CREB5: variants seen among roughly 807,000 people sequenced by gnomAD.
The protein encoded by CREB5 is cyclic AMP-responsive element-binding protein 5.
A neutral mutation model predicts 57.1 loss-of-function variants in CREB5; 19 were observed. The ratio of observed to expected loss-of-function variants is 0.33; its 90% CI spans 0.23 to 0.49. CREB5 has a LOEUF of 0.49. Ranked by LOEUF, CREB5 falls within the 20% of genes least tolerant of loss-of-function variation. The pLI, the probability that CREB5 is intolerant of heterozygous loss-of-function variation, is 0.99. For missense variants in CREB5, 579 were observed against 671.6 expected (o/e 0.86, Z 1.52); for synonymous variants, 238 against 238.3 (o/e 1.00, Z 0.01).
At chr7:28,704,838 T>G (rs1036577917) in intron 5 of CREB5, among the ~76,000 whole-genome samples, 63 of 152,228 alleles carry the variant, frequency 4.1e-4, no homozygotes, top group East Asian at 3.7e-3. Flanking sequence ...CAGCCATTTT[T>G]TGTGTGTGTG....
chr7:28,331,278 G>C (rs535781595), intron 1 of CREB5, among the ~76,000 whole-genome samples: 16 of 151,892 alleles, frequency 1.1e-4, no homozygotes, highest in African/African-American at 3.9e-4. Context: ...CCATAGTTTG[G>C]TGTTCCTAAG....
At chr7:28,524,587 T>A (rs1335426558) in intron 4 of CREB5, among the ~76,000 whole-genome samples, 1 of 152,226 alleles carries the variant, frequency 6.6e-6, no homozygotes, top group African/African-American at 2.4e-5. Flanking sequence ...TATTGGTTAA[T>A]AGCCATGCTG....
chr7:28,799,925 G>T (rs371934146), intron 7 of CREB5, among the ~76,000 whole-genome samples: 4 of 152,260 alleles, frequency 2.6e-5, no homozygotes, highest in African/African-American at 9.6e-5. Context: ...AGATTAAAAT[G>T]CTGCATTTAT....
chr7:28,522,881 C>T (rs547695839), intron 4 of CREB5, among the ~76,000 whole-genome samples: 2 of 152,300 alleles, frequency 1.3e-5, no homozygotes, highest in African/African-American at 4.8e-5. Context: ...ATGTAACCCA[C>T]CACGACTGCT....
chr7:28,806,673 T>C (rs1283551196), intron 8 of CREB5, among the ~76,000 whole-genome samples: 3 of 152,178 alleles, frequency 2.0e-5, no homozygotes, highest in African/African-American at 7.2e-5. Flanking sequence ...AGGATGTGAT[T>C]GTAGAGTGCT....
chr7:28,470,832 C>T (rs78481812), intron 1 of CREB5, among the ~76,000 whole-genome samples: 3,541 of 152,202 alleles, frequency 0.023, 82 homozygotes, highest in Admixed American at 0.048. Flanking sequence ...TGATAAATGA[C>T]GTTGCACACC....
At chr7:28,393,497 T>C (rs987160786) in intron 1 of CREB5, among the ~76,000 whole-genome samples, 2 of 152,234 alleles carry the variant, frequency 1.3e-5, no homozygotes, top group African/African-American at 2.4e-5. Flanking sequence ...ACCTGTCCTA[T>C]GTTCTCACCT....
chr7:28,376,492 A>G (rs1169179400), intron 1 of CREB5, among the ~76,000 whole-genome samples: 1 of 150,856 alleles, frequency 6.6e-6, no homozygotes, highest in Non-Finnish European at 1.5e-5. Flanking sequence ...CTGGTTTTAA[A>G]CTCCTGACCT....
chr7:28,748,195 T>C (rs2128761736), intron 7 of CREB5, among the ~76,000 whole-genome samples: 1 of 152,344 alleles, frequency 6.6e-6, no homozygotes, highest in South Asian at 2.1e-4. Flanking sequence ...TTTGCTTTGT[T>C]TTCTTGACAA....
At chr7:28,661,733 T>C (rs1799619780) in intron 5 of CREB5, among the ~76,000 whole-genome samples, 1 of 152,222 alleles carries the variant, frequency 6.6e-6, no homozygotes, top group African/African-American at 2.4e-5. Context: ...ACTCTAGGTT[T>C]ACAGCACACT....
chr7:28,354,971 A>G (rs898619689), intron 1 of CREB5, among the ~76,000 whole-genome samples: 11 of 152,184 alleles, frequency 7.2e-5, no homozygotes, highest in East Asian at 1.9e-4. Flanking sequence ...CTCTAAACCA[A>G]TGGGGCCTAG....
intron 1 of CREB5, among the ~76,000 whole-genome samples, chr7:28,306,088 G>T (rs890575868): frequency 1.3e-5 from 2 of 151,810 alleles, no homozygotes; most frequent in African/African-American, 4.8e-5. Flanking sequence ...TGGTATCTTT[G>T]TGCCACCTGT....
chr7:28,409,177 A>G (rs1005256093), upstream of CREB5, among the ~76,000 whole-genome samples: 10 of 151,470 alleles, frequency 6.6e-5, 1 homozygote, highest in Admixed American at 2.0e-4. The surrounding 1 kb of genome is among the most constrained non-coding windows in gnomAD (Gnocchi z 4.4). Context: ...CGGGTGCACC[A>G]GGGTCCGCGC....
intron 4 of CREB5, among the ~76,000 whole-genome samples, chr7:28,512,255 C>A (rs539912058): frequency 6.6e-6 from 1 of 152,138 alleles, no homozygotes; most frequent in African/African-American, 2.4e-5. Flanking sequence ...AATGTAGAAA[C>A]GGTGTTTATG....
chr7:28,381,180 A>G (rs540992330), intron 1 of CREB5, among the ~76,000 whole-genome samples: 1 of 152,334 alleles, frequency 6.6e-6, no homozygotes, highest in African/African-American at 2.4e-5. Context: ...AATCAAGATT[A>G]GGGTGAACAT....
chr7:28,573,050 C>T (rs1313392320), intron 5 of CREB5, among the ~76,000 whole-genome samples: 1 of 152,094 alleles, frequency 6.6e-6, no homozygotes, highest in Admixed American at 6.6e-5. Flanking sequence ...TTTCTCCATC[C>T]AAAACCTTGC....
intron 5 of CREB5, among the ~76,000 whole-genome samples, chr7:28,692,026 A>C (rs1024014620): frequency 1.3e-5 from 2 of 150,892 alleles, no homozygotes; most frequent in Admixed American, 6.6e-5. Context: ...AAAAAAAAAA[A>C]AAACAACAAA....
At chr7:28,319,459 C>T (rs1184616511) in intron 1 of CREB5, among the ~76,000 whole-genome samples, 2 of 152,146 alleles carry the variant, frequency 1.3e-5, no homozygotes, top group African/African-American at 4.8e-5. Context: ...TCCCAAGATT[C>T]CTAGTGGAAG....
chr7:28,699,349 A>T (rs1184594703), intron 5 of CREB5, among the ~76,000 whole-genome samples: 1 of 152,150 alleles, frequency 6.6e-6, no homozygotes, highest in Non-Finnish European at 1.5e-5. Flanking sequence ...GACCAAGAAA[A>T]AGCTATCTTT....
Sources: gnomAD v4.1 joint callset for allele counts (sites outside exome capture counted in the v4.1 genomes callset) on GRCh38, gnomAD v4.1.1 for gene constraint, Gnocchi (gnomAD v3.1) non-coding constraint, MANE v1.5 for transcripts, NCBI Gene and HGNC (gene_info 2026-07-23, HGNC 2026-07-21) for gene names.